Variants in KANSL1L observed in about 807,000 individuals in gnomAD.
KANSL1L encodes KAT8 regulatory NSL complex subunit 1-like protein.
Under a neutral mutation model 108.6 loss-of-function variants are expected in KANSL1L, and 25 were observed. That is an observed-to-expected ratio of 0.23 (90% CI 0.17 to 0.32). The LOEUF (loss-of-function observed/expected upper bound fraction) is 0.32, where lower values mean the gene tolerates loss of function less well. Among genes scored for constraint, KANSL1L ranks in the 10% least tolerant of loss-of-function variants. KANSL1L has a pLI of 1.00. For missense variants in KANSL1L, 1,137 were observed against 1,125.7 expected (o/e 1.01, Z -0.14); for synonymous variants, 405 against 395.1 (o/e 1.03, Z -0.30).
chr2:210,079,652 A>ATATATGTGTGTG (rs1559539758), intron 5 of KANSL1L, among the ~76,000 whole-genome samples: 1 of 20,184 alleles, frequency 5.0e-5, no homozygotes, highest in Non-Finnish European at 9.5e-5. Context: ...ATATATATAT[A>ATATATGTGTGTG]TATATATATA....
chr2:210,126,541 T>C (rs939310089), intron 3 of KANSL1L, among the ~76,000 whole-genome samples: 14 of 152,116 alleles, frequency 9.2e-5, no homozygotes, highest in African/African-American at 3.4e-4. Context: ...AGAGTTGGGC[T>C]CGGTGGCCCA....
chr2:210,025,659 T>TA lies in KANSL1L; in HGVS notation c.2452-444dup, dbSNP rs1559493944. ...CTGTGTAAGTTGAGAGAACAAATGTTATGAGATGAACTCCAAATTCCTGTA... is the reference window on the plus strand; with the variant it reads ...CTGTGTAAGTTGAGAGAACAAATGTTAATGAGATGAACTCCAAATTCCTGTA... On this transcript the variant is annotated intron_variant, in intron 12 of 14. Transcript: ENST00000281772. Among the ~76,000 whole-genome samples, 5 of 152,330 alleles carry TA rather than the reference T, an allele frequency of 3.3e-5. No individual in the cohort carries two copies. The East Asian group carries it at 7.7e-4, about 23-fold the overall frequency.
At chr2:210,024,225 C>T (rs1559492391) in intron 13 of KANSL1L, 24 bp from the exon 14 acceptor site, 2 of 1,513,972 alleles carry the variant, frequency 1.3e-6, no homozygotes, top group Non-Finnish European at 1.8e-6. Flanking sequence ...CAGGAAAACA[C>T]AATTATTTTT....
At chr2:210,107,510 C>CAAAAAAA (rs142353453) in intron 3 of KANSL1L, among the ~76,000 whole-genome samples, 7 of 122,940 alleles carry the variant, frequency 5.7e-5, no homozygotes, top group South Asian at 2.6e-4. Context: ...TTCTTCTCCT[C>CAAAAAAA]AAAAAAAAAA....
intron 8 of KANSL1L, among the ~76,000 whole-genome samples, chr2:210,039,965 C>T (rs2094146480): frequency 6.6e-6 from 1 of 151,640 alleles, no homozygotes; most frequent in African/African-American, 2.4e-5. Context: ...TGTCATGTTT[C>T]CATATGTGCT....
chr2:210,071,563 C>T (rs1334215717), intron 6 of KANSL1L, among the ~76,000 whole-genome samples: 2 of 152,108 alleles, frequency 1.3e-5, no homozygotes, highest in Admixed American at 6.6e-5. Flanking sequence ...GCTGCCATGC[C>T]CGACCAAAGT....
chr2:210,055,235 A>G (rs1266946546), intron 6 of KANSL1L, among the ~76,000 whole-genome samples: 2 of 152,140 alleles, frequency 1.3e-5, no homozygotes, highest in East Asian at 1.9e-4. Context: ...CCCTTCTTCC[A>G]TGATTGTAAG....
In KANSL1L at chr2:210,023,948, A is replaced by C. The variant is rs2093897986; in HGVS notation, c.2733+85T>G. On this transcript the variant is annotated intron_variant, in intron 14 of 14. Coordinates refer to ENST00000281772, the MANE Select transcript of KANSL1L (RefSeq NM_152519.4). ...TGAATTTGTTATGTAATGATGTAATAAACTTAATTTTTTTCAAGTAGTTTC... is the reference window on the plus strand; with the variant it reads ...TGAATTTGTTATGTAATGATGTAATCAACTTAATTTTTTTCAAGTAGTTTC... The C allele has an allele frequency of 5.4e-6, 5 of 927,384 alleles. No individual in the cohort carries two copies. In the South Asian group the frequency reaches 1.0e-4, roughly 19 times the overall value. 57.4% of individuals were successfully genotyped at this position (927,384 alleles called of 1,614,324 possible). A position where few individuals can be genotyped will look rare whatever the true frequency, so the allele number is the denominator to read the frequency against.
At chr2:210,024,226 AATT>A (rs2093902240) in intron 13 of KANSL1L, 25 bp from the exon 14 acceptor site, 1 of 1,513,804 alleles carries the variant, frequency 6.6e-7, no homozygotes, top group Non-Finnish European at 8.9e-7. Flanking sequence ...AGGAAAACAC[AATT>A]ATTTTTTATT....
At chr2:210,036,860 G>A (rs766505772) in intron 8 of KANSL1L, among the ~76,000 whole-genome samples, 136 of 152,202 alleles carry the variant, frequency 8.9e-4, no homozygotes, top group Non-Finnish European at 1.7e-3. Flanking sequence ...AGGCTCGGAT[G>A]ATCCTCCTGC....
At chr2:210,052,111 C>T (rs1392055538) in intron 6 of KANSL1L, among the ~76,000 whole-genome samples, 1 of 151,586 alleles carries the variant, frequency 6.6e-6, no homozygotes, top group African/African-American at 2.4e-5. Context: ...TCAAGCAATC[C>T]TCCCACCTTA....
intron 6 of KANSL1L, among the ~76,000 whole-genome samples, chr2:210,045,559 CAT>C: frequency 6.6e-6 from 1 of 152,300 alleles, no homozygotes; most frequent in African/African-American, 2.4e-5. Context: ...TCTCATTGCT[CAT>C]AGCTCTTTCC....
chr2:210,158,865 G>C (rs1483938261), intron 1 of KANSL1L, among the ~76,000 whole-genome samples: 1 of 152,010 alleles, frequency 6.6e-6, no homozygotes, highest in Non-Finnish European at 1.5e-5. Flanking sequence ...AAATTATCTA[G>C]ATATATAATC....
In KANSL1L at chr2:210,086,609, G is replaced by C. The variant is rs958010192; in HGVS notation, c.1551-10853C>G. Reference sequence around the variant, plus strand: ...CATGCCCTGGGAAATAATTAACCAGGTAAGTTTACTTTAAATGCACTGTGA... The same window carrying C: ...CATGCCCTGGGAAATAATTAACCAGCTAAGTTTACTTTAAATGCACTGTGA... On this transcript the variant is annotated intron_variant, in intron 5 of 14. Coordinates refer to ENST00000281772, the MANE Select transcript of KANSL1L (RefSeq NM_152519.4). Among the ~76,000 whole-genome samples the C allele has an allele frequency of 3.3e-5, 5 of 152,076 alleles. No individual in the cohort carries two copies. The East Asian group carries it at 9.7e-4, about 29-fold the overall frequency.
intron 2 of KANSL1L, among the ~76,000 whole-genome samples, chr2:210,149,403 A>G (rs1467482333): frequency 6.6e-6 from 1 of 152,166 alleles, no homozygotes; most frequent in Non-Finnish European, 1.5e-5. Flanking sequence ...TTAAGGTAAG[A>G]AATCAACATA....
chr2:210,028,502 T>C (rs2125127155), intron 11 of KANSL1L: 1 of 160,046 alleles, frequency 6.2e-6, no homozygotes, highest in Admixed American at 6.5e-5. Flanking sequence ...GTCACACCTG[T>C]ATCTTCAAGG....
At chr2:210,103,010 A>G (rs1029787474) in intron 4 of KANSL1L, among the ~76,000 whole-genome samples, 5 of 152,206 alleles carry the variant, frequency 3.3e-5, no homozygotes, top group Non-Finnish European at 5.9e-5. Context: ...ATAAAGACAC[A>G]TGTACACGTA....
At chr2:210,082,915 GGTTGAATAGT>G (rs2094601710) in intron 5 of KANSL1L, among the ~76,000 whole-genome samples, 1 of 152,058 alleles carries the variant, frequency 6.6e-6, no homozygotes, top group Non-Finnish European at 1.5e-5. Context: ...CACTAAACTG[GGTTGAATAGT>G]GTCTCCTCAA....
intron 8 of KANSL1L, among the ~76,000 whole-genome samples, chr2:210,038,358 C>T (rs886396719): frequency 1.3e-5 from 2 of 151,910 alleles, no homozygotes; most frequent in Non-Finnish European, 2.9e-5. Context: ...GTAGTTTAAA[C>T]GCCTTGTAAT....
Sources: allele counts gnomAD v4.1 joint callset (sites outside exome capture counted in the v4.1 genomes callset), GRCh38; gene constraint gnomAD v4.1.1; transcripts MANE v1.5; gene names NCBI Gene and HGNC (gene_info 2026-07-23, HGNC 2026-07-21).